The following NPY variants were observed in gnomAD, a reference collection of about 807,000 sequenced individuals.
NPY encodes the protein neuropeptide Y.
NPY carries 11 observed loss-of-function variants against 13.2 expected under a neutral mutation model. That is an observed-to-expected ratio of 0.83 (90% CI 0.52 to 1.38). The LOEUF is 1.38. Ranked by LOEUF, NPY falls within the 40% of genes most tolerant of loss-of-function variation. NPY has a pLI of 0.00. For synonymous variants in NPY, 51 were observed against 55.6 expected (o/e 0.92, Z 0.37); for missense variants, 109 against 125.1 (o/e 0.87, Z 0.61).
intron 2 of NPY, among the ~76,000 whole-genome samples, chr7:24,286,688 ATAG>A (rs1174288729): frequency 1.3e-5 from 2 of 152,236 alleles, no homozygotes; most frequent in Non-Finnish European, 2.9e-5. Flanking sequence ...CCAGAATTAA[ATAG>A]TAGTTGTTTG....
rs767913170 is a variant in NPY, at chr7:24,291,653, T to C, written c.270-10T>C. On this transcript the variant is annotated splice_polypyrimidine_tract_variant and intron_variant, in intron 3 of 3. Coordinates refer to ENST00000242152, the MANE Select transcript of NPY (RefSeq NM_000905.4). ...CTTTCCTTACATGCTTTGCTTCTTA[T>C]GTTTTACAGGCTTGAAGACCCTGCA... The C allele has an allele frequency of 2.4e-5, 38 of 1,614,016 alleles. No homozygotes were observed. Among genetic ancestry groups the C allele is most frequent in the African/African-American group, 1.9e-4 (14 of 74,920 alleles).
chr7:24,290,218 T>C (rs16131), intron 3 of NPY, among the ~76,000 whole-genome samples: 17,275 of 152,168 alleles, frequency 0.11, 1,056 homozygotes, highest in Non-Finnish European at 0.15. Context: ...TGCCCACCAA[T>C]GTCTAAGTGT....
In NPY at chr7:24,285,450, A is replaced by C; in HGVS notation, c.188+22A>C. 2 of 1,603,366 alleles carry C rather than the reference A, an allele frequency of 1.2e-6. No homozygotes were observed. The highest frequency in any genetic ancestry group is 1.7e-6 in the Non-Finnish European group (2 of 1,172,440). The stretch of plus-strand genomic sequence containing the variant: ...AGAGGTGGGTGGGACCGCGGGACCG[A>C]TTCCGGGAGCGCCAGTGCCTGCACA... On this transcript the variant is annotated intron_variant, in intron 2 of 3. Transcript: ENST00000242152. The surrounding 1 kb of genome is among the most constrained non-coding windows in gnomAD (Gnocchi z 4.9).
chr7:24,288,687 G>GA (rs59946765), intron 2 of NPY, among the ~76,000 whole-genome samples: 4,980 of 88,908 alleles, frequency 0.056, 270 homozygotes, highest in East Asian at 0.27. Context: ...TGCTACAGGA[G>GA]AAAAAAAAAA....
chr7:24,288,565 G>A (rs567546600), intron 2 of NPY, among the ~76,000 whole-genome samples: 4 of 151,720 alleles, frequency 2.6e-5, no homozygotes, highest in African/African-American at 7.3e-5. Context: ...TTCAAAAGAC[G>A]CAATTTGGTA....
chr7:24,291,843 A>G lies in NPY; in HGVS notation c.*156A>G, dbSNP rs947810586. ...TCATTGTATATATGTGTGTTTAAAT[A>G]AAGTATCATGCATTCAAAAGTGTAT... On this transcript the variant is annotated 3_prime_UTR_variant, in exon 4 of 4. Coordinates refer to ENST00000242152, the MANE Select transcript of NPY (RefSeq NM_000905.4). 9 of 723,610 alleles carry G rather than the reference A, an allele frequency of 1.2e-5. No individual in the cohort carries two copies. Among genetic ancestry groups the G allele is most frequent in the Non-Finnish European group, 1.6e-5 (7 of 439,664 alleles). 44.8% of individuals were successfully genotyped at this position (723,610 alleles called of 1,614,324 possible).
chr7:24,285,256 C>G lies in NPY; in HGVS notation c.16C>G (p.Arg6Gly), dbSNP rs1352332920. 3.1e-6 allele frequency: 5 copies of G among 1,613,934 alleles called. No homozygotes were observed. Among genetic ancestry groups the G allele is most frequent in the Non-Finnish European group, 4.2e-6 (5 of 1,179,972 alleles). Residue 6 changes from arginine to glycine, a missense_variant, in exon 2 of 4, where the codon CGA (arginine) becomes GGA (glycine). Transcript: ENST00000242152. The surrounding 1 kb of genome is among the most constrained non-coding windows in gnomAD (Gnocchi z 4.9). MLGNKRLGLSGLTLAL... is the reference protein window; with the variant it reads MLGNKGLGLSGLTLAL... Reference sequence around the variant, plus strand: ...GTGCCTGCAGATGCTAGGTAACAAGCGACTGGGGCTGTCCGGACTGACCCT... The same window carrying G: ...GTGCCTGCAGATGCTAGGTAACAAGGGACTGGGGCTGTCCGGACTGACCCT...
chr7:24,285,068 G>A lies in NPY; in HGVS notation c.1-173G>A. Reference sequence around the variant, plus strand: ...AGGTCCCGACCGGACGGCGCCCGGAGCCCGCAAGGTGGTGCTAGCCACTCC... The same window carrying A: ...AGGTCCCGACCGGACGGCGCCCGGAACCCGCAAGGTGGTGCTAGCCACTCC... On this transcript the variant is annotated intron_variant, in intron 1 of 3. Transcript: ENST00000242152. The surrounding 1 kb of genome is among the most constrained non-coding windows in gnomAD (Gnocchi z 4.9). 1.5e-6 allele frequency: 1 copy of A among 668,586 alleles called. No individual in the cohort carries two copies. The highest frequency in any genetic ancestry group is 2.5e-6 in the Non-Finnish European group (1 of 393,578). 41.4% of individuals were successfully genotyped at this position (668,586 alleles called of 1,614,324 possible).
At position 24,289,482 on chromosome 7, in the gene NPY, G is replaced by T. The variant is rs781732020; in HGVS notation, c.189-17G>T. The T allele has an allele frequency of 1.9e-6, 3 of 1,573,586 alleles. No homozygotes were observed. The highest frequency in any genetic ancestry group is 2.6e-6 in the Non-Finnish European group (3 of 1,154,034). ...TGCCTATTCCAAACTTGCTTTAAAA[G>T]ACTTTTTTTTTTCCAGATATGGAAA... On this transcript the variant is annotated splice_polypyrimidine_tract_variant and intron_variant, in intron 2 of 3. Transcript: ENST00000242152.
chr7:24,289,334 T>C (rs1787509246), intron 2 of NPY, among the ~76,000 whole-genome samples, 165 bp from the exon 3 acceptor site: 1 of 152,212 alleles, frequency 6.6e-6, no homozygotes, highest in African/African-American at 2.4e-5. Flanking sequence ...ATATTTATGA[T>C]AATGTTTCGA....
intron 2 of NPY, among the ~76,000 whole-genome samples, chr7:24,288,034 G>C (rs1562801769): frequency 6.6e-6 from 1 of 152,154 alleles, no homozygotes; most frequent in East Asian, 1.9e-4. Flanking sequence ...GGATGATCCA[G>C]AATTAATTAA....
chr7:24,286,018 G>C (rs1457701755), intron 2 of NPY, among the ~76,000 whole-genome samples: 2 of 152,098 alleles, frequency 1.3e-5, no homozygotes, highest in African/African-American at 4.8e-5. Flanking sequence ...GAAAATTCTA[G>C]TCCCAATAAT....
At chr7:24,284,646 C>G (rs938567981) in intron 1 of NPY, among the ~76,000 whole-genome samples, 6 of 152,196 alleles carry the variant, frequency 3.9e-5, no homozygotes, top group African/African-American at 1.4e-4. Flanking sequence ...AGGAAGGTTT[C>G]CCCGGCAGCG....
chr7:24,285,209 A>G lies in NPY; in HGVS notation c.1-32A>G. On this transcript the variant is annotated intron_variant, in intron 1 of 3. Coordinates refer to ENST00000242152, the MANE Select transcript of NPY (RefSeq NM_000905.4). This position sits in a 1 kb window ranked among gnomAD's most constrained non-coding sequence, Gnocchi z 4.9. ...CTGCGCGTGGGTGCTCTGAATCCCCAAGCCCGTCCGTTGAGCCTTCTGTGC... is the reference window on the plus strand; with the variant it reads ...CTGCGCGTGGGTGCTCTGAATCCCCGAGCCCGTCCGTTGAGCCTTCTGTGC... The G allele has an allele frequency of 6.2e-7, 1 of 1,612,976 alleles. No individual in the cohort carries two copies. Among genetic ancestry groups the G allele is most frequent in the Non-Finnish European group, 8.5e-7 (1 of 1,179,234 alleles).
Position 24,285,170 on chromosome 7 carries a change from AGAG to A in NPY, c.1-66_1-64del. On this transcript the variant is annotated intron_variant, in intron 1 of 3. Transcript: ENST00000242152. The surrounding 1 kb of genome is among the most constrained non-coding windows in gnomAD (Gnocchi z 4.9). ...TAGCAGGAGGAGGAGCGCGGGGGGC[AGAG>A]GAGGGAGGTGCTGCGCGTGGGTGCT... The A allele has an allele frequency of 6.7e-7, 1 of 1,495,452 alleles. No individual in the cohort carries two copies. The highest frequency in any genetic ancestry group is 1.2e-5 in the South Asian group (1 of 86,682). 92.6% of individuals were successfully genotyped at this position (1,495,452 alleles called of 1,614,324 possible). A position where few individuals can be genotyped will look rare whatever the true frequency, so the allele number is the denominator to read the frequency against.
At chr7:24,286,748 T>C (rs1583571956) in intron 2 of NPY, among the ~76,000 whole-genome samples, 1 of 152,348 alleles carries the variant, frequency 6.6e-6, no homozygotes, top group East Asian at 1.9e-4. Context: ...AGCAATAATA[T>C]TTTATATTCC....
intron 1 of NPY, among the ~76,000 whole-genome samples, chr7:24,284,536 T>C (rs1459422864): frequency 6.6e-6 from 1 of 152,226 alleles, no homozygotes; most frequent in Non-Finnish European, 1.5e-5. Flanking sequence ...CTGAGTTACC[T>C]TTTAGCAGAT....
intron 2 of NPY, among the ~76,000 whole-genome samples, chr7:24,287,540 A>T (rs1212484230): frequency 2.1e-5 from 3 of 146,154 alleles, no homozygotes; most frequent in Non-Finnish European, 4.4e-5. Context: ...TGGAAGCTGC[A>T]TTACTTATTC....
intron 2 of NPY, among the ~76,000 whole-genome samples, chr7:24,288,104 C>T (rs918975256): frequency 2.0e-5 from 3 of 152,172 alleles, no homozygotes; most frequent in Non-Finnish European, 4.4e-5. Flanking sequence ...TGCAAATCCT[C>T]CTATTTCAGA....
Sources: gnomAD v4.1 joint callset for allele counts (sites outside exome capture counted in the v4.1 genomes callset) on GRCh38, gnomAD v4.1.1 for gene constraint, Gnocchi (gnomAD v3.1) non-coding constraint, MANE v1.5 for transcripts, NCBI Gene and HGNC (gene_info 2026-07-23, HGNC 2026-07-21) for gene names.